The following CLTC variants were observed in gnomAD, a reference collection of about 807,000 sequenced individuals.
The protein encoded by CLTC is clathrin heavy chain 1.
A neutral mutation model predicts 195.8 loss-of-function variants in CLTC; 16 were observed. That is an observed-to-expected ratio of 0.08 (90% CI 0.06 to 0.12). The LOEUF is 0.12. CLTC is among the 10% of genes least tolerant of loss of function. CLTC has a pLI of 1.00. For missense variants in CLTC, 796 were observed against 2,027.0 expected (o/e 0.39, Z 11.66); for synonymous variants, 667 against 689.4 (o/e 0.97, Z 0.51).
At position 59,620,059 on chromosome 17, in the gene CLTC, C is replaced by A; in HGVS notation, c.-73C>A. On this transcript the variant is annotated 5_prime_UTR_variant, in exon 1 of 32. Coordinates refer to ENST00000269122, the MANE Select transcript of CLTC (RefSeq NM_004859.4). The stretch of plus-strand genomic sequence containing the variant: ...CTCCCCCCTCCCCTTCTCCTCCTCT[C>A]CCTTGGAGAGCCCGGGCAGCCACTG... The A allele has an allele frequency of 6.9e-7, 1 of 1,459,048 alleles. No individual in the cohort carries two copies. The highest frequency in any genetic ancestry group is 1.2e-5 in the South Asian group (1 of 86,882). The allele number at this position is 1,459,048 out of a possible 1,614,324, so 90.4% of individuals were successfully genotyped here.
chr17:59,649,600 C>T (rs1008345257), intron 4 of CLTC, among the ~76,000 whole-genome samples: 2 of 152,168 alleles, frequency 1.3e-5, no homozygotes, highest in African/African-American at 4.8e-5. Flanking sequence ...ATTTGAACTT[C>T]ACTTTTGTTA....
intron 1 of CLTC, among the ~76,000 whole-genome samples, chr17:59,643,167 G>GTGTGTA (rs2032091423): frequency 6.7e-6 from 1 of 149,254 alleles, no homozygotes; most frequent in African/African-American, 2.5e-5. Flanking sequence ...GTGTGTGTGT[G>GTGTGTA]TATTTTGTAC....
At chr17:59,663,254 A>C (rs1217585437) in intron 8 of CLTC, among the ~76,000 whole-genome samples, 1 of 152,218 alleles carries the variant, frequency 6.6e-6, no homozygotes, top group East Asian at 1.9e-4. Flanking sequence ...ACTGAATAAC[A>C]CAGAAGACAG....
At chr17:59,641,996 G>GT (rs2032049056) in intron 1 of CLTC, among the ~76,000 whole-genome samples, 3 of 127,794 alleles carry the variant, frequency 2.3e-5, no homozygotes, top group African/African-American at 9.7e-5. Flanking sequence ...CCAAATCTTT[G>GT]TTGTTTTTTT....
Position 59,696,068 on chromosome 17 carries a change from A to C in CLTC, c.*2216A>C, listed in dbSNP as rs1008922540. ...ATGCCATCCTGTTGGGAATGCCACT[A>C]CCTTTGAATTTGGAGCCATCAGTCT... On this transcript the variant is annotated 3_prime_UTR_variant, in exon 32 of 32. Transcript: ENST00000269122. The C allele has an allele frequency of 4.3e-5, 9 of 211,274 alleles. No individual in the cohort carries two copies. The highest frequency in any genetic ancestry group is 1.8e-4 in the Admixed American group (3 of 17,006). 13.1% of individuals were successfully genotyped at this position (211,274 alleles called of 1,614,324 possible).
At chr17:59,634,331 A>G (rs1161839497) in intron 1 of CLTC, among the ~76,000 whole-genome samples, 1 of 152,180 alleles carries the variant, frequency 6.6e-6, no homozygotes, top group Non-Finnish European at 1.5e-5. Flanking sequence ...CGGGGGGCAT[A>G]ATCTTGGTAA....
chr17:59,678,735 T>G (rs1282827275), intron 17 of CLTC, among the ~76,000 whole-genome samples: 1 of 152,188 alleles, frequency 6.6e-6, no homozygotes, highest in South Asian at 2.1e-4. Context: ...GGTGAGTGGC[T>G]CACTCCTAGA....
chr17:59,668,781 C>T lies in CLTC; in HGVS notation c.2133C>T (p.Leu711=), dbSNP rs763813149. Residue 711 remains leucine, a synonymous_variant, in exon 14 of 32, where the codon CTC becomes CTT. Coordinates refer to ENST00000269122, the MANE Select transcript of CLTC (RefSeq NM_004859.4). ...LFESFKSFEG[L]FYFLGSIVNF... Reference sequence around the variant, plus strand: ...GTAATTACTTGTTTCTTTAAGGTCTCTTTTATTTTCTGGGATCCATTGTTA... The same window carrying T: ...GTAATTACTTGTTTCTTTAAGGTCTTTTTTATTTTCTGGGATCCATTGTTA... 20 of 1,595,412 alleles carry T rather than the reference C, an allele frequency of 1.3e-5. No individual in the cohort carries two copies. Among genetic ancestry groups the T allele is most frequent in the African/African-American group, 2.7e-5 (2 of 73,452 alleles).
At chr17:59,626,250 T>C (rs1261584850) in intron 1 of CLTC, among the ~76,000 whole-genome samples, 2 of 152,320 alleles carry the variant, frequency 1.3e-5, no homozygotes, top group East Asian at 3.9e-4. Context: ...GTCTACTTGA[T>C]TGTGGATCTT....
intron 1 of CLTC, 138 bp downstream of exon 1, chr17:59,620,311 G>A: frequency 1.3e-6 from 1 of 790,906 alleles, no homozygotes; most frequent in Non-Finnish European, 2.2e-6. Flanking sequence ...GGAGGAGGGG[G>A]CACTATCTTG....
intron 1 of CLTC, among the ~76,000 whole-genome samples, chr17:59,632,473 T>C (rs2031752465): frequency 6.6e-6 from 1 of 151,538 alleles, no homozygotes; most frequent in South Asian, 2.1e-4. Flanking sequence ...TAAAAGGGCT[T>C]AGTGTTTGGA....
intron 17 of CLTC, among the ~76,000 whole-genome samples, chr17:59,678,178 G>A (rs2033006579): frequency 6.6e-6 from 1 of 152,170 alleles, no homozygotes; most frequent in African/African-American, 2.4e-5. Flanking sequence ...CTGCTTCAGT[G>A]GTGGTTTGTT....
chr17:59,660,623 T>G, intron 7 of CLTC, 35 bp downstream of exon 7: 1 of 1,582,624 alleles, frequency 6.3e-7, no homozygotes, highest in Non-Finnish European at 8.7e-7. Context: ...GTCATGACAT[T>G]AATCCATTGT....
chr17:59,648,269 A>G lies in CLTC; in HGVS notation c.549A>G (p.Leu183=), dbSNP rs1193950178. 6.2e-7 allele frequency: 1 copy of G among 1,614,094 alleles called. No individual in the cohort carries two copies. The highest frequency in any genetic ancestry group is 1.1e-5 in the South Asian group (1 of 91,088). The change falls in exon 4 of 32, where the codon CTA becomes CTG. Residue 183 remains leucine (L), a synonymous_variant. Transcript: ENST00000269122. This position sits in a 1 kb window ranked among gnomAD's most constrained non-coding sequence, Gnocchi z 4.5. ...QQNRVVGAMQ[L]YSVDRKVSQP... Reference sequence around the variant, plus strand: ...ATCGTGTGGTGGGAGCTATGCAGCTATATTCTGTAGATAGGAAAGTGTCTC... The same window carrying G: ...ATCGTGTGGTGGGAGCTATGCAGCTGTATTCTGTAGATAGGAAAGTGTCTC...
chr17:59,682,222 A>G lies in CLTC; in HGVS notation c.3443-49A>G. On this transcript the variant is annotated intron_variant, in intron 21 of 31. Coordinates refer to ENST00000269122, the MANE Select transcript of CLTC (RefSeq NM_004859.4). This position sits in a 1 kb window ranked among gnomAD's most constrained non-coding sequence, Gnocchi z 6.8. ...ATTTTCATTTACTTGGGTGAAAGAT[A>G]AACTAGGATGTTAGTGTTTGGATAT... 1 of 1,533,576 alleles carries G rather than the reference A, an allele frequency of 6.5e-7. No individual in the cohort carries two copies. Among genetic ancestry groups the G allele is most frequent in the Non-Finnish European group, 8.9e-7 (1 of 1,123,610 alleles). 95.0% of individuals were successfully genotyped at this position (1,533,576 alleles called of 1,614,324 possible).
intron 1 of CLTC, 40 bp from the exon 2 acceptor site, chr17:59,644,236 G>A (rs1318003734): frequency 6.4e-7 from 1 of 1,552,276 alleles, no homozygotes; most frequent in African/African-American, 1.4e-5. Flanking sequence ...CAAGTCTTTG[G>A]AATCCACTTG....
At position 59,666,341 on chromosome 17, in the gene CLTC, T is replaced by C; in HGVS notation, c.1782+101T>C. 1 of 1,493,154 alleles carries C rather than the reference T, an allele frequency of 6.7e-7. No homozygotes were observed. Among genetic ancestry groups the C allele is most frequent in the Non-Finnish European group, 9.1e-7 (1 of 1,094,530 alleles). The allele number at this position is 1,493,154 out of a possible 1,614,324, so 92.5% of individuals were successfully genotyped here. A position where few individuals can be genotyped will look rare whatever the true frequency, so the allele number is the denominator to read the frequency against. On this transcript the variant is annotated intron_variant, in intron 11 of 31. Coordinates refer to ENST00000269122, the MANE Select transcript of CLTC (RefSeq NM_004859.4). The surrounding 1 kb of genome is among the most constrained non-coding windows in gnomAD (Gnocchi z 4.9). ...GCAAAGCTACTGAGGGGCCTACTCC[T>C]TATTAAAGAAAATGTAGCTATTATA...
intron 1 of CLTC, 143 bp from the exon 2 acceptor site, chr17:59,644,133 A>C (rs1168631637): frequency 1.5e-6 from 1 of 648,652 alleles, no homozygotes; most frequent in Non-Finnish European, 2.6e-6. Flanking sequence ...GGCTATTAAT[A>C]GTCTCTCTTT....
chr17:59,683,606 A>G lies in CLTC; in HGVS notation c.4192-19A>G. On this transcript the variant is annotated intron_variant, in intron 26 of 31. Transcript: ENST00000269122. The surrounding 1 kb of genome is among the most constrained non-coding windows in gnomAD (Gnocchi z 6.1). ...TCATTAGGAAGTAACTGACTTATGTATGGATTTTCCCATTGTAGGTTGCCA... is the reference window on the plus strand; with the variant it reads ...TCATTAGGAAGTAACTGACTTATGTGTGGATTTTCCCATTGTAGGTTGCCA... The G allele has an allele frequency of 6.2e-7, 1 of 1,613,834 alleles. No individual in the cohort carries two copies. Among genetic ancestry groups the G allele is most frequent in the Non-Finnish European group, 8.5e-7 (1 of 1,179,752 alleles).
Sources: gnomAD v4.1 joint callset for allele counts (sites outside exome capture counted in the v4.1 genomes callset) on GRCh38, gnomAD v4.1.1 for gene constraint, Gnocchi (gnomAD v3.1) non-coding constraint, MANE v1.5 for transcripts, NCBI Gene and HGNC (gene_info 2026-07-23, HGNC 2026-07-21) for gene names.